KLHL23: variants seen among roughly 807,000 people sequenced by gnomAD.
KLHL23 encodes kelch like family member 23.
KLHL23 carries 33 observed loss-of-function variants against 48.9 expected under a neutral mutation model. The ratio of observed to expected loss-of-function variants is 0.67; its 90% CI spans 0.51 to 0.90. KLHL23 has a LOEUF of 0.90. Among genes scored for constraint, KLHL23 ranks in the 40% least tolerant of loss-of-function variants. KLHL23 has a pLI of 0.00. For missense variants in KLHL23, 608 were observed against 669.6 expected (o/e 0.91, Z 1.02); for synonymous variants, 234 against 231.6 (o/e 1.01, Z -0.09).
chr2:169,746,382 T>C lies in KLHL23; in HGVS notation c.1367-3040T>C, dbSNP rs76608817. Among the ~76,000 whole-genome samples the C allele has an allele frequency of 3.1e-4, 48 of 152,394 alleles. 1 individual carries two copies. The highest frequency in any genetic ancestry group is 6.8e-3 in the Middle Eastern group (2 of 294). Reference sequence around the variant, plus strand: ...TAGCTGTTTGTTCATATCACTCATCTAACACTGAATACAGACTGCTGTGTG... The same window carrying C: ...TAGCTGTTTGTTCATATCACTCATCCAACACTGAATACAGACTGCTGTGTG... On this transcript the variant is annotated intron_variant, in intron 3 of 3. Coordinates refer to ENST00000392647, the MANE Select transcript of KLHL23 (RefSeq NM_144711.6).
At chr2:169,748,578 G>A (rs903978071) in intron 3 of KLHL23, among the ~76,000 whole-genome samples, 2 of 152,148 alleles carry the variant, frequency 1.3e-5, no homozygotes, top group African/African-American at 4.8e-5. Flanking sequence ...GCCATGCAGT[G>A]CAAATGACTC....
Position 169,735,338 on chromosome 2 carries a change from A to G in KLHL23, c.324A>G (p.Gln108=). 1 of 1,613,402 alleles carries G rather than the reference A, an allele frequency of 6.2e-7. No individual in the cohort carries two copies. Among genetic ancestry groups the G allele is most frequent in the Non-Finnish European group, 8.5e-7 (1 of 1,179,886 alleles). Reference sequence around the variant, plus strand: ...TTGAAATAACTAAAAGAAATGTTCAAAGCCTGCTTGAGGCAGCGGATCTGC... The same window carrying G: ...TTGAAATAACTAAAAGAAATGTTCAGAGCCTGCTTGAGGCAGCGGATCTGC... ...SQIEITKRNV[Q]SLLEAADLLQ... Residue 108 remains glutamine (Q), a synonymous_variant, in exon 2 of 4, where the codon CAA becomes CAG. Transcript: ENST00000392647. This position sits in a 1 kb window ranked among gnomAD's most constrained non-coding sequence, Gnocchi z 4.5.
At chr2:169,740,766 T>TTATATATATATATATATATATA (rs55779546) in intron 2 of KLHL23, among the ~76,000 whole-genome samples, 29 of 125,472 alleles carry the variant, frequency 2.3e-4, no homozygotes, top group African/African-American at 8.5e-4. Context: ...CTTTTTTATA[T>TTATATATATATATATATATATA]TATATATATA....
chr2:169,741,054 A>C (rs13005287), intron 2 of KLHL23: 174,571 of 175,666 alleles, frequency 0.99, 86,756 homozygotes, highest in Middle Eastern at 1. Context: ...TTTATTTACA[A>C]CAGCATCACC....
intron 3 of KLHL23, among the ~76,000 whole-genome samples, chr2:169,741,818 TA>T (rs2105650252): frequency 6.6e-6 from 1 of 152,368 alleles, no homozygotes; most frequent in East Asian, 1.9e-4. Flanking sequence ...TTTTTTCCTT[TA>T]TATGCCATCT....
chr2:169,745,461 T>C (rs114755135), intron 3 of KLHL23, among the ~76,000 whole-genome samples: 15,882 of 129,574 alleles, frequency 0.12, 885 homozygotes, highest in Middle Eastern at 0.27. Context: ...TGCAGTGAGC[T>C]GAAGATCGTG....
rs547541103 is a variant in KLHL23, at chr2:169,750,144, A to G, written c.*412A>G. ...TATATATACACATATATACGTATAT[A>G]TGTGTATATATATACACAGTTGAAT... On this transcript the variant is annotated 3_prime_UTR_variant, in exon 4 of 4. Transcript: ENST00000392647. 6 of 124,230 alleles carry G rather than the reference A, an allele frequency of 4.8e-5. No individual in the cohort carries two copies. The highest frequency in any genetic ancestry group is 1.6e-4 in the Admixed American group (2 of 12,420). 7.7% of individuals were successfully genotyped at this position (124,230 alleles called of 1,614,324 possible).
At chr2:169,736,258 T>A (rs1315286451) in intron 2 of KLHL23, 31 bp downstream of exon 2, 1 of 1,560,286 alleles carries the variant, frequency 6.4e-7, no homozygotes, top group East Asian at 2.2e-5. Flanking sequence ...TTTTGTATTT[T>A]TTAGATGTCT....
rs757761182 is a variant in KLHL23 at position 169,735,779 on chromosome 2, A to C, written c.765A>C (p.Leu255=). 8 of 1,614,072 alleles carry C rather than the reference A, an allele frequency of 5.0e-6. No individual in the cohort carries two copies. Among genetic ancestry groups the C allele is most frequent in the Non-Finnish European group, 6.8e-6 (8 of 1,180,024 alleles). Residue 255 remains leucine (L), a synonymous_variant, in exon 2 of 4, where the codon CTA becomes CTC. Coordinates refer to ENST00000392647, the MANE Select transcript of KLHL23 (RefSeq NM_144711.6). This position sits in a 1 kb window ranked among gnomAD's most constrained non-coding sequence, Gnocchi z 4.5. ...TCACCGAAAATAAGATCCGCTCCCT[A>C]ATATACAATGCCTTGAATCCCATGC... is the stretch of plus-strand genomic sequence containing the variant. ...CLLTENKIRS[L]IYNALNPMHK... is the part of the protein sequence containing the mutation.
intron 3 of KLHL23, among the ~76,000 whole-genome samples, chr2:169,747,494 G>T (rs1479290869): frequency 7.2e-6 from 1 of 139,212 alleles, no homozygotes; most frequent in African/African-American, 2.7e-5. Context: ...AAGAGACAGG[G>T]TCTCACCGTG....
intron 2 of KLHL23, among the ~76,000 whole-genome samples, chr2:169,737,347 G>A (rs1273323962): frequency 6.6e-6 from 1 of 152,176 alleles, no homozygotes; most frequent in East Asian, 1.9e-4. Flanking sequence ...TTCATGTGAA[G>A]TTGTGACCAC....
chr2:169,734,529 C>A (rs1166055367), intron 1 of KLHL23, among the ~76,000 whole-genome samples: 6 of 152,110 alleles, frequency 3.9e-5, no homozygotes, highest in Non-Finnish European at 7.4e-5. Context: ...CGAAAGGGCT[C>A]GGGATTTCCC....
rs1176934834 is a variant in KLHL23 at position 169,741,528 on chromosome 2, C to G, written c.1357C>G (p.Pro453Ala). The stretch of plus-strand genomic sequence containing the variant: ...CGAATGGAGCCTCATCACCTCCAGT[C>G]CACATCCAGGTAACAAAAATACTGT... ...INEWSLITSSPHPEYGLCSVP... is the reference protein window; with the variant it reads ...INEWSLITSSAHPEYGLCSVP... The change falls in exon 3 of 4, where the codon CCA (proline) becomes GCA (alanine). Residue 453 changes from proline to alanine, a missense_variant. Physicochemically the swap from Pro to Ala is conservative, Grantham distance 27 (BLOSUM62 -1). Around this residue, in one of 3 missense-constraint regions of KLHL23, gnomAD observed 179 missense variants for 169.9 expected, o/e 1.05. Coordinates refer to ENST00000392647, the MANE Select transcript of KLHL23 (RefSeq NM_144711.6). The G allele has an allele frequency of 6.2e-7, 1 of 1,612,986 alleles. No homozygotes were observed. Among genetic ancestry groups the G allele is most frequent in the Non-Finnish European group, 8.5e-7 (1 of 1,179,352 alleles).
At position 169,749,472 on chromosome 2, in the gene KLHL23, G is replaced by A. The variant is rs988584149; in HGVS notation, c.1417G>A (p.Gly473Arg). ...PFENKLYLVG[G>R]QTTITECYDP... ...TGAAAATAAGCTCTATCTAGTCGGC[G>A]GACAAACTACAATCACAGAATGCTA... is the stretch of plus-strand genomic sequence containing the variant. Residue 473 changes from glycine (G) to arginine (R), a missense_variant, in exon 4 of 4, where the codon GGA (glycine) becomes AGA (arginine). By Grantham distance (125) the Gly-to-Arg change is moderately radical. Around this residue, in one of 3 missense-constraint regions of KLHL23, gnomAD observed 179 missense variants for 169.9 expected, o/e 1.05. Coordinates refer to ENST00000392647, the MANE Select transcript of KLHL23 (RefSeq NM_144711.6). 1 of 1,613,802 alleles carries A rather than the reference G, an allele frequency of 6.2e-7. No individual in the cohort carries two copies. Among genetic ancestry groups the A allele is most frequent in the Non-Finnish European group, 8.5e-7 (1 of 1,179,892 alleles).
chr2:169,738,143 T>A (rs534352038), intron 2 of KLHL23, among the ~76,000 whole-genome samples: 1 of 152,346 alleles, frequency 6.6e-6, no homozygotes, highest in East Asian at 1.9e-4. Context: ...AAAGCTTTGA[T>A]TCTTGTTTAT....
At position 169,749,983 on chromosome 2, in the gene KLHL23, A is replaced by ATAAG. The variant is rs1688912662; in HGVS notation, c.*253_*254insAGTA. The ATAAG allele has an allele frequency of 1.4e-5, 1 of 73,724 alleles. No individual in the cohort carries two copies. Among genetic ancestry groups the ATAAG allele is most frequent in the Non-Finnish European group, 2.7e-5 (1 of 37,296 alleles). 4.6% of individuals were successfully genotyped at this position (73,724 alleles called of 1,614,324 possible). The stretch of plus-strand genomic sequence containing the variant: ...TATGTATACATATATATGTGTATAT[A>ATAAG]TACGTATGTATACATATATGTGTAT... On this transcript the variant is annotated 3_prime_UTR_variant, in exon 4 of 4. Coordinates refer to ENST00000392647, the MANE Select transcript of KLHL23 (RefSeq NM_144711.6).
intron 3 of KLHL23, among the ~76,000 whole-genome samples, chr2:169,743,384 A>C (rs1220573152): frequency 6.6e-6 from 1 of 152,254 alleles, no homozygotes; most frequent in Non-Finnish European, 1.5e-5. Flanking sequence ...GAAAATCCAA[A>C]ATAAATGTTA....
chr2:169,736,036 T>C lies in KLHL23; in HGVS notation c.1022T>C (p.Ile341Thr), dbSNP rs1432822104. The C allele has an allele frequency of 1.2e-6, 2 of 1,614,152 alleles. No homozygotes were observed. The highest frequency in any genetic ancestry group is 2.2e-5 in the East Asian group (1 of 44,880). The change falls in exon 2 of 4, where the codon ATC becomes ACC. Residue 341 changes from isoleucine to threonine, a missense_variant. Ile to Thr is a moderately conservative substitution (Grantham distance 89, BLOSUM62 -1). Transcript: ENST00000392647. ...DNIEALDTVWIYNSESDEWTE... is the reference protein window; with the variant it reads ...DNIEALDTVWTYNSESDEWTE... ...ATAGAAGCTCTTGACACAGTGTGGA[T>C]CTATAACAGTGAAAGTGATGAATGG...
At position 169,736,132 on chromosome 2, in the gene KLHL23, C is replaced by T. The variant is rs755656261; in HGVS notation, c.1118C>T (p.Ala373Val). Residue 373 changes from alanine to valine, a missense_variant, in exon 2 of 4, where the codon GCT becomes GTT. Ala to Val is a moderately conservative substitution (Grantham distance 64). Coordinates refer to ENST00000392647, the MANE Select transcript of KLHL23 (RefSeq NM_144711.6). ...CAVTLGGCVY[A>V]LGGYRKGAPA... ...GTCACCTTGGGTGGCTGTGTCTATG[C>T]TTTAGGTGGTTACAGAAAAGGGGCT... is the stretch of plus-strand genomic sequence containing the variant. 1.9e-6 allele frequency: 3 copies of T among 1,613,994 alleles called. No individual in the cohort carries two copies. In the Admixed American group the frequency reaches 5.0e-5, roughly 27 times the overall value.
Sources: allele counts gnomAD v4.1 joint callset (sites outside exome capture counted in the v4.1 genomes callset), GRCh38; gene constraint gnomAD v4.1.1; regional missense constraint gnomAD v4.1.1; non-coding constraint Gnocchi (gnomAD v3.1); transcripts MANE v1.5; gene names NCBI Gene and HGNC (gene_info 2026-07-23, HGNC 2026-07-21).